MED15: variants seen among roughly 807,000 people sequenced by gnomAD.
The protein encoded by MED15 is mediator complex subunit 15, also known as mediator of RNA polymerase II transcription subunit 15.
A neutral mutation model predicts 118.7 loss-of-function variants in MED15; 41 were observed. That is an observed-to-expected ratio of 0.35 (90% CI 0.27 to 0.45). The LOEUF (loss-of-function observed/expected upper bound fraction) is 0.45, where lower values mean the gene tolerates loss of function less well. Ranked by LOEUF, MED15 falls within the 20% of genes least tolerant of loss-of-function variation. The probability of loss-of-function intolerance (pLI) is 1.00; values close to 1 mark genes in which losing one functional copy is unlikely to be tolerated. For synonymous variants in MED15, 436 were observed against 413.9 expected, an observed-to-expected ratio of 1.05 and a Z score of -0.65; for missense variants, 740 against 1,025.5, an observed-to-expected ratio of 0.72 and a Z score of 3.80.
intron 1 of MED15, among the ~76,000 whole-genome samples, chr22:20,512,844 C>T (rs937493904): frequency 3.3e-5 from 5 of 151,214 alleles, no homozygotes; most frequent in Non-Finnish European, 5.9e-5. Flanking sequence ...CGGGTTCAAG[C>T]GATTCTCCTG....
chr22:20,519,910 C>G (rs907199691), intron 1 of MED15, among the ~76,000 whole-genome samples: 1 of 152,152 alleles, frequency 6.6e-6, no homozygotes, highest in Non-Finnish European at 1.5e-5. Flanking sequence ...GCTTCGTTTC[C>G]TTTTATTTGT....
At chr22:20,582,431 A>T (rs1215092187) in intron 9 of MED15, 180 bp from the exon 10 acceptor site, 13 of 1,005,514 alleles carry the variant, frequency 1.3e-5, no homozygotes, top group Non-Finnish European at 1.7e-5. Flanking sequence ...TGGTCACCTC[A>T]TGCTGTGTGC....
chr22:20,548,932 A>G (rs148183918), intron 2 of MED15, among the ~76,000 whole-genome samples: 131 of 152,252 alleles, frequency 8.6e-4, no homozygotes, highest in Non-Finnish European at 1.2e-3. Context: ...CTTTGAGGCC[A>G]CTGGCGTGTG....
In MED15 at chr22:20,568,543, AGCAGCCCCCAGT is replaced by A. The variant is rs1214679167; in HGVS notation, c.1073_1084del (p.Pro358_Pro361del). The A allele has an allele frequency of 5.0e-6, 8 of 1,613,620 alleles. No individual in the cohort carries two copies. The highest frequency in any genetic ancestry group is 4.0e-5 in the African/African-American group (3 of 74,898). On this transcript the variant is annotated inframe_deletion, in exon 8 of 18. Coordinates refer to ENST00000263205, the MANE Select transcript of MED15 (RefSeq NM_001003891.3). Reference sequence around the variant, plus strand: ...AAGGTCCGAGCTCCGATGGTGGTGCAGCAGCCCCCAGTGCAGCCCCAGGTGCAGCAGCAGCAG... The same window carrying A: ...AAGGTCCGAGCTCCGATGGTGGTGCAGCAGCCCCAGGTGCAGCAGCAGCAG...
chr22:20,526,020 A>G (rs1370255875), intron 1 of MED15, among the ~76,000 whole-genome samples: 2 of 151,424 alleles, frequency 1.3e-5, no homozygotes, highest in Admixed American at 6.6e-5. Context: ...TCCTGGGCTC[A>G]AGAAATCCTC....
chr22:20,550,019 T>A (rs941411961), intron 2 of MED15, among the ~76,000 whole-genome samples: 2 of 152,210 alleles, frequency 1.3e-5, no homozygotes, highest in African/African-American at 4.8e-5. Context: ...AGAAAACAAA[T>A]TCATTTAAAG....
chr22:20,555,313 A>G (rs1292134181), intron 5 of MED15, among the ~76,000 whole-genome samples, 165 bp downstream of exon 5: 3 of 151,968 alleles, frequency 2.0e-5, no homozygotes, highest in African/African-American at 4.8e-5. Flanking sequence ...AAGGCTTCCA[A>G]TTTTCGTTGA....
intron 8 of MED15, chr22:20,573,986 C>T (rs1183769706): frequency 1.3e-5 from 2 of 152,246 alleles, no homozygotes; most frequent in African/African-American, 4.8e-5. Flanking sequence ...GCCGTGTCAC[C>T]CCGGCTTCTG....
chr22:20,518,779 A>C lies in MED15; in HGVS notation c.68+11033A>C. The stretch of plus-strand genomic sequence containing the variant: ...GGTTTTGTCCATCAGTGCTGCCTAA[A>C]CCGTTCTGAACTTCTCATTTTGAAC... On this transcript the variant is annotated intron_variant, in intron 1 of 17. Transcript: ENST00000263205. 4.7e-6 allele frequency: 2 copies of C among 426,682 alleles called. 1 individual carries two copies. Among genetic ancestry groups the C allele is most frequent in the South Asian group, 3.5e-5 (2 of 57,806 alleles). 26.4% of individuals were successfully genotyped at this position (426,682 alleles called of 1,614,324 possible).
chr22:20,520,534 C>T (rs2054408855), intron 1 of MED15, among the ~76,000 whole-genome samples: 1 of 152,178 alleles, frequency 6.6e-6, no homozygotes, highest in South Asian at 2.1e-4. Flanking sequence ...GGCACAGGCT[C>T]AGAGCTCTTG....
At chr22:20,511,303 A>T (rs2054054976) in intron 1 of MED15, among the ~76,000 whole-genome samples, 1 of 151,922 alleles carries the variant, frequency 6.6e-6, no homozygotes, top group African/African-American at 2.4e-5. Context: ...TGAGTCCAGG[A>T]GTTTGAGACC....
At chr22:20,565,222 TG>T (rs1215660096) in intron 6 of MED15, among the ~76,000 whole-genome samples, 1 of 152,218 alleles carries the variant, frequency 6.6e-6, no homozygotes, top group Non-Finnish European at 1.5e-5. Context: ...CCCTTCCATT[TG>T]GGCTTGGGCA....
chr22:20,510,968 G>T (rs1432714549), intron 1 of MED15, among the ~76,000 whole-genome samples: 5 of 152,118 alleles, frequency 3.3e-5, no homozygotes, highest in Admixed American at 2.6e-4. Flanking sequence ...GGTGATGTGG[G>T]TGTTCTCAGT....
At chr22:20,536,076 A>G (rs918378248) in intron 1 of MED15, among the ~76,000 whole-genome samples, 7 of 149,280 alleles carry the variant, frequency 4.7e-5, no homozygotes, top group Admixed American at 4.7e-4. Context: ...GGGTTTCACC[A>G]TGTTGGTCAG....
chr22:20,557,023 G>A (rs986035066), intron 5 of MED15, among the ~76,000 whole-genome samples: 13 of 152,192 alleles, frequency 8.5e-5, no homozygotes, highest in African/African-American at 3.1e-4. Context: ...CATTTGGGTT[G>A]TTTCCTGCTT....
intron 2 of MED15, 132 bp from the exon 3 acceptor site, chr22:20,551,304 C>A: frequency 1.2e-6 from 1 of 855,008 alleles, no homozygotes; most frequent in Non-Finnish European, 2.0e-6. Flanking sequence ...CAGAGGAGGC[C>A]GAGCAAGCGT....
intron 1 of MED15, among the ~76,000 whole-genome samples, chr22:20,515,763 C>T (rs1443398700): frequency 6.7e-6 from 1 of 149,882 alleles, no homozygotes; most frequent in Non-Finnish European, 1.5e-5. Context: ...TCCAGCCTGG[C>T]GACAGAGTGA....
chr22:20,516,539 C>T (rs1358187643), intron 1 of MED15, among the ~76,000 whole-genome samples: 1 of 152,034 alleles, frequency 6.6e-6, no homozygotes, highest in Non-Finnish European at 1.5e-5. Context: ...GTAAGTGACC[C>T]CACATGCCTA....
chr22:20,532,698 A>C (rs755013673), intron 1 of MED15, among the ~76,000 whole-genome samples: 4 of 152,162 alleles, frequency 2.6e-5, no homozygotes, highest in Admixed American at 1.3e-4. Context: ...AGCACCACCC[A>C]GGCAGCCTTG....
Sources: allele counts gnomAD v4.1 joint callset (sites outside exome capture counted in the v4.1 genomes callset), GRCh38; gene constraint gnomAD v4.1.1; transcripts MANE v1.5; gene names NCBI Gene and HGNC (gene_info 2026-07-23, HGNC 2026-07-21).